The following SMURF1 variants were observed in gnomAD, a reference collection of about 807,000 sequenced individuals.
SMURF1 encodes SMAD specific E3 ubiquitin protein ligase 1.
Under a neutral mutation model 98.0 loss-of-function variants are expected in SMURF1, and 44 were observed. The observed-to-expected ratio is 0.45, with a 90% confidence interval of 0.35 to 0.58. SMURF1 has a LOEUF of 0.58. Ranked by LOEUF, SMURF1 falls within the 20% of genes least tolerant of loss-of-function variation. The pLI, the probability that SMURF1 is intolerant of heterozygous loss-of-function variation, is 0.00. For synonymous variants in SMURF1, 396 were observed against 374.9 expected, an observed-to-expected ratio of 1.06 and a Z score of -0.65; for missense variants, 687 against 938.4, an observed-to-expected ratio of 0.73 and a Z score of 3.50.
At position 99,106,906 on chromosome 7, in the gene SMURF1, G is replaced by A. The variant is rs113827105; in HGVS notation, c.55+36820C>T. Among the ~76,000 whole-genome samples, 682 of 152,256 alleles carry A rather than the reference G, an allele frequency of 4.5e-3. 2 individuals are homozygous for A. Among genetic ancestry groups the A allele is most frequent in the Non-Finnish European group, 7.5e-3 (513 of 68,032 alleles). On this transcript the variant is annotated intron_variant, in intron 1 of 17. Coordinates refer to ENST00000361368, the MANE Select transcript of SMURF1 (RefSeq NM_181349.3). The stretch of plus-strand genomic sequence containing the variant: ...CTGCATTAATCACAGGCACTACTGC[G>A]GTGAAGATGAAATATTCCTTTTGCA...
Position 99,040,527 on chromosome 7 carries a change from C to A in SMURF1, c.1401G>T (p.Gly467=). ...PDHLSYFHFV[G]RIMGLAVFHG... is the part of the protein sequence containing the mutation. ...GGAACACAGCCAGCCCCATGATCCGCCCCACAAAGTGGAAATAAGACAAGT... is the reference window on the plus strand; with the variant it reads ...GGAACACAGCCAGCCCCATGATCCGACCCACAAAGTGGAAATAAGACAAGT... The change falls in exon 13 of 18, where the codon GGG becomes GGT. Residue 467 remains glycine, a synonymous_variant. Coordinates refer to ENST00000361368, the MANE Select transcript of SMURF1 (RefSeq NM_181349.3). 1 of 1,509,628 alleles carries A rather than the reference C, an allele frequency of 6.6e-7. No homozygotes were observed. Among genetic ancestry groups the A allele is most frequent in the South Asian group, 1.3e-5 (1 of 75,852 alleles). 93.5% of individuals were successfully genotyped at this position (1,509,628 alleles called of 1,614,324 possible).
intron 8 of SMURF1, chr7:99,050,973 C>T: frequency 6.4e-7 from 1 of 1,551,374 alleles, no homozygotes; most frequent in Non-Finnish European, 8.7e-7. Context: ...GCATCTCCCC[C>T]AGGAATGGTC....
At chr7:99,064,643 A>T (rs1386788709) in intron 1 of SMURF1, among the ~76,000 whole-genome samples, 1 of 152,224 alleles carries the variant, frequency 6.6e-6, no homozygotes, top group Non-Finnish European at 1.5e-5. Context: ...AATTGTTGGC[A>T]TACACTTGTT....
chr7:99,107,266 A>AAG (rs1797214231), intron 1 of SMURF1, among the ~76,000 whole-genome samples: 1 of 152,184 alleles, frequency 6.6e-6, no homozygotes, highest in Admixed American at 6.5e-5. Flanking sequence ...AAATAACTTA[A>AAG]AGAATATAAG....
At chr7:99,063,289 A>ATAAGATT (rs2150546678) in intron 1 of SMURF1, among the ~76,000 whole-genome samples, 1 of 27,178 alleles carries the variant, frequency 3.7e-5, no homozygotes, top group Non-Finnish European at 9.4e-5. Context: ...ATATATATAT[A>ATAAGATT]TATATATATA....
chr7:99,060,781 G>C, intron 2 of SMURF1, 74 bp from the exon 3 acceptor site: 5 of 974,074 alleles, frequency 5.1e-6, no homozygotes, highest in Non-Finnish European at 4.6e-6. Flanking sequence ...CACAATTCGT[G>C]TTCTCTAATT....
chr7:99,037,156 T>C lies in SMURF1; in HGVS notation c.1720A>G (p.Ile574Val), dbSNP rs1166209035. ...TGCAGAGCTAAGAACTGGGCTTCGATTCCTCTCATAAACCTCCAGTTTACA... is the reference window on the plus strand; with the variant it reads ...TGCAGAGCTAAGAACTGGGCTTCGACTCCTCTCATAAACCTCCAGTTTACA... Reference protein sequence around the residue: ...LYVNWRFMRGIEAQFLALQKG... With the variant: ...LYVNWRFMRGVEAQFLALQKG... The change falls in exon 15 of 18, where the codon ATC becomes GTC. Residue 574 changes from isoleucine to valine, a missense_variant. Physicochemically the swap from Ile to Val is conservative, Grantham distance 29 (BLOSUM62 3). This residue lies in a region of SMURF1 where 272 missense variants were observed against 430.0 expected (regional missense o/e 0.63). Transcript: ENST00000361368. 6.2e-7 allele frequency: 1 copy of C among 1,614,054 alleles called. No individual in the cohort carries two copies. The highest frequency in any genetic ancestry group is 8.5e-7 in the Non-Finnish European group (1 of 1,180,038).
rs1365969199 is a variant in SMURF1 at position 99,050,801 on chromosome 7, C to CT, written c.806+555dup. 6.4e-6 allele frequency: 5 copies of CT among 781,256 alleles called. No homozygotes were observed. The East Asian group carries it at 1.4e-4, about 21-fold the overall frequency. 48.4% of individuals were successfully genotyped at this position (781,256 alleles called of 1,614,324 possible). On this transcript the variant is annotated intron_variant, in intron 8 of 17. Coordinates refer to ENST00000361368, the MANE Select transcript of SMURF1 (RefSeq NM_181349.3). Reference sequence around the variant, plus strand: ...GAAACAAATCATGAATAAAAAGGAACTAAATATTACCAAAAATCATATTAG... The same window carrying CT: ...GAAACAAATCATGAATAAAAAGGAACTTAAATATTACCAAAAATCATATTAG...
intron 8 of SMURF1, 180 bp from the exon 9 acceptor site, chr7:99,049,889 CAAACA>C: frequency 2.0e-6 from 1 of 503,586 alleles, no homozygotes; most frequent in Non-Finnish European, 3.4e-6. Flanking sequence ...CTCTCTGCTG[CAAACA>C]GCAGCAACAT....
At chr7:99,070,060 C>T (rs1796282877) in intron 1 of SMURF1, among the ~76,000 whole-genome samples, 2 of 152,218 alleles carry the variant, frequency 1.3e-5, no homozygotes, top group Non-Finnish European at 1.5e-5. Flanking sequence ...ATGGATGTTA[C>T]AGTTCATCTT....
chr7:99,113,948 T>C (rs1797384622), intron 1 of SMURF1, among the ~76,000 whole-genome samples: 1 of 152,030 alleles, frequency 6.6e-6, no homozygotes, highest in Non-Finnish European at 1.5e-5. Context: ...ATAGTAATGT[T>C]ATTTTTGGCT....
At chr7:99,106,866 G>A (rs765945539) in intron 1 of SMURF1, among the ~76,000 whole-genome samples, 8 of 152,116 alleles carry the variant, frequency 5.3e-5, no homozygotes, top group Non-Finnish European at 1.2e-4. Context: ...TGCTTGTTTC[G>A]TTAGCAGCTC....
intron 1 of SMURF1, among the ~76,000 whole-genome samples, chr7:99,072,659 G>GAA (rs1483828991): frequency 6.6e-6 from 1 of 151,654 alleles, no homozygotes; most frequent in African/African-American, 2.4e-5. Context: ...GAAAAGAAAA[G>GAA]AAAATCCGAA....
At chr7:99,032,042 T>A (rs2150488480) in intron 17 of SMURF1, among the ~76,000 whole-genome samples, 1 of 152,304 alleles carries the variant, frequency 6.6e-6, no homozygotes, top group Non-Finnish European at 1.5e-5. Context: ...ATAAGCAGGA[T>A]TCCAAGAAGA....
intron 17 of SMURF1, 73 bp downstream of exon 17, chr7:99,032,964 C>CA (rs139310092): frequency 0.14 from 167,437 of 1,203,028 alleles, 2,331 homozygotes; most frequent in South Asian, 0.16. Flanking sequence ...AAAAAAACAA[C>CA]AAAAAAAAAA....
chr7:99,067,363 T>C (rs1796219398), intron 1 of SMURF1, among the ~76,000 whole-genome samples: 1 of 152,038 alleles, frequency 6.6e-6, no homozygotes. Context: ...GATACAGCAA[T>C]TAACAAAAGA....
rs1415470813 is a variant in SMURF1, at chr7:99,141,196, A to G, written c.55+2530T>C. 2.0e-5 allele frequency among the ~76,000 whole-genome samples: 3 copies of G among 152,364 alleles called. No homozygotes were observed. The East Asian group carries it at 5.8e-4, about 29-fold the overall frequency. On this transcript the variant is annotated intron_variant, in intron 1 of 17. Transcript: ENST00000361368. ...TTCCTCAAAGCATTCTTGCTTCGAT[A>G]ATCTAAATTCCTAAATCCAAAAATA...
intron 1 of SMURF1, among the ~76,000 whole-genome samples, chr7:99,095,665 GC>G (rs1796941539): frequency 6.6e-6 from 1 of 152,208 alleles, no homozygotes. Flanking sequence ...CTATGCACAG[GC>G]AATGGACTAG....
At chr7:99,062,356 A>G (rs141899381) in intron 1 of SMURF1, among the ~76,000 whole-genome samples, 1 of 152,296 alleles carries the variant, frequency 6.6e-6, no homozygotes, top group Non-Finnish European at 1.5e-5. Flanking sequence ...CAACTCAAAT[A>G]AAGACCTGAA....
Sources: allele counts gnomAD v4.1 joint callset (sites outside exome capture counted in the v4.1 genomes callset), GRCh38; gene constraint gnomAD v4.1.1; regional missense constraint gnomAD v4.1.1; transcripts MANE v1.5; gene names NCBI Gene and HGNC (gene_info 2026-07-23, HGNC 2026-07-21).